The following AGBL4 variants were observed in gnomAD, a reference collection of about 807,000 sequenced individuals.
AGBL4 encodes cytosolic carboxypeptidase 6.
Under a neutral mutation model 66.4 loss-of-function variants are expected in AGBL4, and 58 were observed. The observed-to-expected ratio is 0.87, with a 90% confidence interval of 0.71 to 1.09. The LOEUF (loss-of-function observed/expected upper bound fraction) is 1.09. Among genes scored for constraint, AGBL4 ranks in the 50% least tolerant of loss-of-function variants. The pLI, the probability that AGBL4 is intolerant of heterozygous loss-of-function variation, is 0.00. For missense variants in AGBL4, 579 were observed against 631.0 expected (o/e 0.92, Z 0.88); for synonymous variants, 234 against 222.9 (o/e 1.05, Z -0.44).
At chr1:48,553,261 C>T (rs1306138471) in intron 11 of AGBL4, among the ~76,000 whole-genome samples, 2 of 152,180 alleles carry the variant, frequency 1.3e-5, no homozygotes, top group Non-Finnish European at 2.9e-5. Flanking sequence ...GACTTTGATG[C>T]AGTTCAACCT....
chr1:49,268,376 C>G (rs1643972064), intron 3 of AGBL4: 1 of 150,460 alleles, frequency 6.6e-6, no homozygotes, highest in Admixed American at 6.7e-5. Flanking sequence ...TAAACTCAGG[C>G]AAAACCAAAA....
chr1:49,948,011 TATATAAATATATATAA>T (rs1158478692), intron 1 of AGBL4, among the ~76,000 whole-genome samples: 816 of 77,784 alleles, frequency 0.01, 96 homozygotes, highest in African/African-American at 0.053. Flanking sequence ...TATATATAAA[TATATAAATATATATAA>T]ATATATATAC....
At chr1:48,687,087 T>G in intron 6 of AGBL4, among the ~76,000 whole-genome samples, 1 of 151,670 alleles carries the variant, frequency 6.6e-6, no homozygotes, top group African/African-American at 2.4e-5. Flanking sequence ...GGCAGTCAGG[T>G]AAAGGACAGA....
intron 4 of AGBL4, among the ~76,000 whole-genome samples, chr1:49,230,110 T>C (rs952309944): frequency 1.3e-5 from 2 of 152,180 alleles, no homozygotes; most frequent in Non-Finnish European, 2.9e-5. Context: ...AAGCTACCCA[T>C]GTAGCTGCTC....
intron 11 of AGBL4, among the ~76,000 whole-genome samples, chr1:48,573,515 T>G (rs1644601903): frequency 6.6e-6 from 1 of 152,198 alleles, no homozygotes; most frequent in Non-Finnish European, 1.5e-5. Flanking sequence ...CTGGCTTTAG[T>G]CACAGATCTT....
At chr1:49,102,022 GGAGAGAGATAGA>G (rs577407802) in intron 4 of AGBL4, among the ~76,000 whole-genome samples, 113 of 150,916 alleles carry the variant, frequency 7.5e-4, no homozygotes, top group African/African-American at 2.8e-3. Flanking sequence ...ACTGAGAGAG[GGAGAGAGATAGA>G]GAGAGAGAGA....
chr1:49,937,025 AT>A (rs1298937545), intron 1 of AGBL4, among the ~76,000 whole-genome samples: 1 of 152,246 alleles, frequency 6.6e-6, no homozygotes, highest in Non-Finnish European at 1.5e-5. Context: ...AAATGCTCCA[AT>A]TAAAAGACAC....
intron 6 of AGBL4, among the ~76,000 whole-genome samples, chr1:48,680,872 T>A (rs1013367490): frequency 2.0e-5 from 3 of 152,174 alleles, no homozygotes; most frequent in Admixed American, 2.0e-4. Flanking sequence ...TTCCAGGAGT[T>A]GGCCACTGCT....
At chr1:49,952,962 T>A (rs966235476) in intron 1 of AGBL4, among the ~76,000 whole-genome samples, 1 of 151,946 alleles carries the variant, frequency 6.6e-6, no homozygotes, top group African/African-American at 2.4e-5. Context: ...AGAATGCATG[T>A]CTCTGAGATA....
intron 2 of AGBL4, among the ~76,000 whole-genome samples, chr1:49,849,109 A>G (rs2148058084): frequency 6.6e-6 from 1 of 152,298 alleles, no homozygotes; most frequent in African/African-American, 2.4e-5. Flanking sequence ...TTCTGTGTGT[A>G]CCCTGAAGGA....
intron 3 of AGBL4, among the ~76,000 whole-genome samples, chr1:49,256,006 G>A (rs1652463945): frequency 6.6e-6 from 1 of 152,022 alleles, no homozygotes; most frequent in African/African-American, 2.4e-5. Context: ...GGGGCCTATG[G>A]GAGAGTAAAA....
At chr1:48,770,776 T>C (rs1188058854) in intron 6 of AGBL4, among the ~76,000 whole-genome samples, 1 of 152,210 alleles carries the variant, frequency 6.6e-6, no homozygotes, top group Non-Finnish European at 1.5e-5. Context: ...ATCATCATCA[T>C]ACACATTATT....
chr1:48,764,959 A>T (rs1323848686), intron 6 of AGBL4, among the ~76,000 whole-genome samples: 1 of 152,184 alleles, frequency 6.6e-6, no homozygotes, highest in African/African-American at 2.4e-5. Context: ...GACACTCCCC[A>T]TCTGATGACA....
chr1:49,525,915 G>A (rs534585663), intron 3 of AGBL4, among the ~76,000 whole-genome samples: 2 of 151,628 alleles, frequency 1.3e-5, no homozygotes, highest in Admixed American at 1.3e-4. Context: ...GTGAAACCCC[G>A]TCTCTACTAA....
At chr1:49,243,586 A>C (rs1651406713) in intron 4 of AGBL4, among the ~76,000 whole-genome samples, 2 of 151,896 alleles carry the variant, frequency 1.3e-5, no homozygotes, top group Non-Finnish European at 2.9e-5. Context: ...AGTTAATAAA[A>C]ATTCTAAATA....
At position 49,469,137 on chromosome 1, in the gene AGBL4, G is replaced by A. The variant is rs138746272; in HGVS notation, c.283-223273C>T. The stretch of plus-strand genomic sequence containing the variant: ...TTCATCTGCTCATAACTGTTACAAT[G>A]ATGTGACTGTTGTTAGTATACTTAA... On this transcript the variant is annotated intron_variant, in intron 3 of 13. Transcript: ENST00000371839. 1.4e-4 allele frequency among the ~76,000 whole-genome samples: 21 copies of A among 151,846 alleles called. No individual in the cohort carries two copies. The East Asian group carries it at 3.9e-3, about 28-fold the overall frequency.
intron 3 of AGBL4, among the ~76,000 whole-genome samples, chr1:49,557,396 G>C (rs182906285): frequency 1.3e-5 from 2 of 152,202 alleles, no homozygotes; most frequent in East Asian, 3.9e-4. Context: ...AGAAAAAATA[G>C]TCTTGACTCA....
At chr1:49,931,512 A>G (rs751028454) in intron 1 of AGBL4, among the ~76,000 whole-genome samples, 5 of 152,096 alleles carry the variant, frequency 3.3e-5, no homozygotes, top group Non-Finnish European at 5.9e-5. Context: ...AGTGCCAGAC[A>G]CTTATCAAAC....
intron 9 of AGBL4, among the ~76,000 whole-genome samples, chr1:48,629,354 A>G (rs1161513182): frequency 6.6e-6 from 1 of 152,216 alleles, no homozygotes; most frequent in Non-Finnish European, 1.5e-5. Flanking sequence ...TCCCATGGAC[A>G]GCGGGTAAGC....
Sources: allele counts gnomAD v4.1 joint callset (sites outside exome capture counted in the v4.1 genomes callset), GRCh38; gene constraint gnomAD v4.1.1; transcripts MANE v1.5; gene names NCBI Gene and HGNC (gene_info 2026-07-23, HGNC 2026-07-21).